CSPP1: variants seen among roughly 807,000 people sequenced by gnomAD.
CSPP1 encodes the protein centrosome and spindle pole-associated protein 1.
A neutral mutation model predicts 164.4 loss-of-function variants in CSPP1; 126 were observed. The ratio of observed to expected loss-of-function variants is 0.77; its 90% CI spans 0.66 to 0.89. The LOEUF is 0.89. Among genes scored for constraint, CSPP1 ranks in the 40% least tolerant of loss-of-function variants. The pLI is 0.00. For synonymous variants in CSPP1, 472 were observed against 476.7 expected, an observed-to-expected ratio of 0.99 and a Z score of 0.13; for missense variants, 1,395 against 1,449.8, an observed-to-expected ratio of 0.96 and a Z score of 0.61.
chr8:67,181,238 A>G (rs10105172), intron 28 of CSPP1, among the ~76,000 whole-genome samples: 3,135 of 148,086 alleles, frequency 0.021, 52 homozygotes, highest in Non-Finnish European at 0.034. Context: ...AGGTCTCCCT[A>G]TGTTGCCCAG....
At chr8:67,150,079 A>G in intron 18 of CSPP1, 144 bp downstream of exon 18, 1 of 802,388 alleles carries the variant, frequency 1.2e-6, no homozygotes, top group South Asian at 3.6e-5. Context: ...CTATTCATAA[A>G]GTGCCTTTTC....
intron 17 of CSPP1, among the ~76,000 whole-genome samples, chr8:67,138,380 T>C (rs1322008292): frequency 6.6e-6 from 1 of 152,310 alleles, no homozygotes; most frequent in East Asian, 1.9e-4. Flanking sequence ...CCTAATACAG[T>C]GAAAATGCTA....
At chr8:67,158,885 G>A in intron 20 of CSPP1, 106 bp from the exon 21 acceptor site, 1 of 1,020,572 alleles carries the variant, frequency 9.8e-7, no homozygotes, top group Non-Finnish European at 1.4e-6. Context: ...ACCATATCAT[G>A]TCATCTATAT....
intron 29 of CSPP1, 113 bp from the exon 30 acceptor site, chr8:67,193,351 C>T: frequency 8.1e-6 from 7 of 862,776 alleles, no homozygotes; most frequent in Non-Finnish European, 8.9e-6. Context: ...CCCACCTCGG[C>T]TTCCCAAAGT....
intron 27 of CSPP1, 31 bp from the exon 28 acceptor site, chr8:67,179,831 TA>T: frequency 1.4e-6 from 2 of 1,478,232 alleles, no homozygotes; most frequent in Non-Finnish European, 1.9e-6. Flanking sequence ...ACAAAACTAA[TA>T]AAAATAGTCA....
At chr8:67,178,325 G>T (rs556469728) in intron 27 of CSPP1, among the ~76,000 whole-genome samples, 220 of 152,252 alleles carry the variant, frequency 1.4e-3, no homozygotes, top group African/African-American at 3.7e-3. Flanking sequence ...GTATCCTGAG[G>T]GGGGTACTTT....
chr8:67,173,612 C>G (rs145835036), intron 25 of CSPP1: 2 of 151,882 alleles, frequency 1.3e-5, no homozygotes, highest in African/African-American at 4.8e-5. Context: ...TATGTAAGTA[C>G]CATTATCATT....
intron 1 of CSPP1, chr8:67,064,900 C>T (rs1208951967): frequency 1.1e-5 from 2 of 181,050 alleles, no homozygotes; most frequent in African/African-American, 2.4e-5. Context: ...TTACACGGTC[C>T]GGATTCCTGG....
rs2129562431 is a variant in CSPP1, at chr8:67,163,720, A to G, written c.2644-12A>G. On this transcript the variant is annotated splice_polypyrimidine_tract_variant and intron_variant, in intron 22 of 30. Transcript: ENST00000678616. The stretch of plus-strand genomic sequence containing the variant: ...ACATACTGAACATGTCTTTGTCATT[A>G]TTGTTGAACAGGAAAGTTCCATGTC... 1 of 1,605,316 alleles carries G rather than the reference A, an allele frequency of 6.2e-7. No individual in the cohort carries two copies. The highest frequency in any genetic ancestry group is 8.5e-7 in the Non-Finnish European group (1 of 1,173,886).
intron 1 of CSPP1, among the ~76,000 whole-genome samples, chr8:67,067,795 A>G (rs751245775): frequency 6.6e-6 from 1 of 151,810 alleles, no homozygotes; most frequent in Non-Finnish European, 1.5e-5. Flanking sequence ...AAATCTTCAT[A>G]TATGCAAAGA....
chr8:67,187,561 G>T (rs1835023670), intron 28 of CSPP1, among the ~76,000 whole-genome samples: 1 of 152,098 alleles, frequency 6.6e-6, no homozygotes, highest in South Asian at 2.1e-4. Context: ...GCACACACCT[G>T]AAGTCCTAGC....
chr8:67,160,855 C>T (rs1003739954), intron 21 of CSPP1, among the ~76,000 whole-genome samples: 2 of 151,934 alleles, frequency 1.3e-5, no homozygotes, highest in African/African-American at 4.8e-5. Context: ...GAAATAGAGA[C>T]TCGCTTTGTT....
At chr8:67,086,817 C>A (rs1374746775) in intron 4 of CSPP1, 2 of 1,356,044 alleles carry the variant, frequency 1.5e-6, no homozygotes, top group Non-Finnish European at 9.9e-7. Flanking sequence ...TTTCCCTTGA[C>A]TTTAGGGCAT....
At chr8:67,180,973 T>C (rs1252397431) in intron 28 of CSPP1, among the ~76,000 whole-genome samples, 1 of 152,152 alleles carries the variant, frequency 6.6e-6, no homozygotes, top group East Asian at 1.9e-4. Context: ...TTCAGGCCAA[T>C]TACTTTAGAT....
chr8:67,182,676 T>G (rs1833358702), intron 28 of CSPP1, among the ~76,000 whole-genome samples: 1 of 152,244 alleles, frequency 6.6e-6, no homozygotes, highest in African/African-American at 2.4e-5. Flanking sequence ...GTAGCAATCC[T>G]TACGGGTGTG....
At chr8:67,083,903 T>G (rs1809845960) in intron 3 of CSPP1, 1 of 152,106 alleles carries the variant, frequency 6.6e-6, no homozygotes, top group African/African-American at 2.4e-5. Flanking sequence ...TTGTTCCCCC[T>G]CACCTTTTCT....
chr8:67,190,627 T>C (rs779487855), intron 28 of CSPP1, 23 bp from the exon 29 acceptor site: 8 of 1,560,558 alleles, frequency 5.1e-6, no homozygotes, highest in South Asian at 1.1e-5. Flanking sequence ...TAAGACTCCT[T>C]CTGCTTTTCG....
At chr8:67,130,998 G>A (rs901524524) in intron 15 of CSPP1, among the ~76,000 whole-genome samples, 1 of 151,768 alleles carries the variant, frequency 6.6e-6, no homozygotes, top group Non-Finnish European at 1.5e-5. Context: ...CAAAACAAAA[G>A]AAAACAAAAA....
chr8:67,190,996 C>T lies in CSPP1; in HGVS notation c.3330+237C>T, dbSNP rs73693131. 0.12 allele frequency among the ~76,000 whole-genome samples: 18,893 copies of T among 152,098 alleles called. 2,297 individuals are homozygous for T. The highest frequency in any genetic ancestry group is 0.32 in the African/African-American group (13,061 of 41,400). On this transcript the variant is annotated intron_variant, in intron 29 of 30. Transcript: ENST00000678616. ...CTCCTGGGGTGGCTGTAAGTAGCTC[C>T]TCATCCCAACCTTCCTTCTTCTCCT... is the stretch of plus-strand genomic sequence containing the variant.
Sources: allele counts gnomAD v4.1 joint callset (sites outside exome capture counted in the v4.1 genomes callset), GRCh38; gene constraint gnomAD v4.1.1; transcripts MANE v1.5; gene names NCBI Gene and HGNC (gene_info 2026-07-23, HGNC 2026-07-21).